DEUP1: variants seen among roughly 807,000 people sequenced by gnomAD.
DEUP1 encodes coiled-coil domain containing 67.
A neutral mutation model predicts 87.4 loss-of-function variants in DEUP1; 82 were observed. That is an observed-to-expected ratio of 0.94 (90% confidence interval 0.78 to 1.13). The LOEUF (loss-of-function observed/expected upper bound fraction) is 1.13, where lower values mean the gene tolerates loss of function less well. Ranked by LOEUF, DEUP1 falls within the 50% of genes most tolerant of loss-of-function variation. DEUP1 has a pLI of 0.00. For synonymous variants in DEUP1, 214 were observed against 222.7 expected (o/e 0.96, Z 0.35); for missense variants, 663 against 681.5 (o/e 0.97, Z 0.30).
At position 93,332,210 on chromosome 11, in the gene DEUP1, T is replaced by C; in HGVS notation, c.-44-6T>C. Reference sequence around the variant, plus strand: ...TTAGGAACTTGTATCATTTTCCTCCTAACAGATTAAAAATCAAGAAATATA... The same window carrying C: ...TTAGGAACTTGTATCATTTTCCTCCCAACAGATTAAAAATCAAGAAATATA... On this transcript the variant is annotated splice_region_variant and splice_polypyrimidine_tract_variant and intron_variant, in intron 1 of 13. Coordinates refer to ENST00000298050, the MANE Select transcript of DEUP1 (RefSeq NM_181645.4). 2 of 1,547,432 alleles carry C rather than the reference T, an allele frequency of 1.3e-6. No individual in the cohort carries two copies. The highest frequency in any genetic ancestry group is 1.7e-4 in the Middle Eastern group (1 of 5,960).
At chr11:93,352,442 T>G in intron 2 of DEUP1, 1 of 700,738 alleles carries the variant, frequency 1.4e-6, no homozygotes, top group Non-Finnish European at 2.6e-6. Context: ...TTAACAACAG[T>G]TGCTATAGTC....
intron 7 of DEUP1, chr11:93,383,556 T>C (rs534199537): frequency 9.1e-6 from 6 of 660,266 alleles, no homozygotes; most frequent in Non-Finnish European, 1.7e-5. Context: ...GATGTTCAAC[T>C]TTGTGACTAA....
chr11:93,392,678 A>AAAGAG (rs138168093), intron 9 of DEUP1, among the ~76,000 whole-genome samples: 38,043 of 151,628 alleles, frequency 0.25, 5,078 homozygotes, highest in Middle Eastern at 0.38. Flanking sequence ...ATTTAAAAAA[A>AAAGAG]AGAGAGAGCC....
intron 8 of DEUP1, among the ~76,000 whole-genome samples, chr11:93,386,439 A>G (rs1946562461): frequency 6.6e-6 from 1 of 152,216 alleles, no homozygotes; most frequent in Non-Finnish European, 1.5e-5. Context: ...TCTTATTCTC[A>G]TAGAACTTGA....
At chr11:93,353,237 C>T (rs190980729) in intron 2 of DEUP1, among the ~76,000 whole-genome samples, 59 of 152,282 alleles carry the variant, frequency 3.9e-4, no homozygotes, top group African/African-American at 1.4e-3. Context: ...AGCAGGGCAG[C>T]TAAATCTTAA....
At chr11:93,401,458 T>A (rs117575060) in intron 11 of DEUP1, among the ~76,000 whole-genome samples, 1 of 152,000 alleles carries the variant, frequency 6.6e-6, no homozygotes, top group Admixed American at 6.6e-5. Flanking sequence ...AAAATTTATA[T>A]GCAAACACAG....
At chr11:93,373,264 C>A (rs1050124830) in intron 7 of DEUP1, among the ~76,000 whole-genome samples, 2 of 152,084 alleles carry the variant, frequency 1.3e-5, no homozygotes, top group African/African-American at 4.8e-5. Context: ...TAAATAAGTT[C>A]TTTACTGGTG....
chr11:93,350,407 T>C (rs1944567825), intron 2 of DEUP1, among the ~76,000 whole-genome samples: 1 of 152,182 alleles, frequency 6.6e-6, no homozygotes, highest in African/African-American at 2.4e-5. Flanking sequence ...GGAAAAGTTC[T>C]TCAATATAAA....
intron 13 of DEUP1, among the ~76,000 whole-genome samples, chr11:93,430,861 C>T (rs779211366): frequency 1.3e-4 from 19 of 151,960 alleles, no homozygotes; most frequent in African/African-American, 2.7e-4. Context: ...TTTGGGAAGC[C>T]GAGGTGGTCA....
rs770872505 is a variant in DEUP1, at chr11:93,371,286, G to T, written c.789+6G>T. The T allele has an allele frequency of 6.2e-7, 1 of 1,606,412 alleles. No homozygotes were observed. The highest frequency in any genetic ancestry group is 1.1e-5 in the South Asian group (1 of 89,466). On this transcript the variant is annotated splice_donor_region_variant and intron_variant, in intron 7 of 13. Transcript: ENST00000298050. ...TGTACCAAAGACAGTGCCAGGTGAAGATTAATTTTTTTTCAACTAATATTG... is the reference window on the plus strand; with the variant it reads ...TGTACCAAAGACAGTGCCAGGTGAATATTAATTTTTTTTCAACTAATATTG...
At chr11:93,375,636 A>G (rs1946001429) in intron 7 of DEUP1, among the ~76,000 whole-genome samples, 1 of 152,188 alleles carries the variant, frequency 6.6e-6, no homozygotes, top group Admixed American at 6.5e-5. Context: ...TTTGAAACCC[A>G]CTTGATCATG....
intron 4 of DEUP1, among the ~76,000 whole-genome samples, chr11:93,357,635 T>A (rs1284043651): frequency 6.6e-6 from 1 of 152,194 alleles, no homozygotes; most frequent in African/African-American, 2.4e-5. Context: ...CATTTGAGTA[T>A]GTCAAATGTA....
At chr11:93,366,079 G>T (rs936086251) in intron 5 of DEUP1, among the ~76,000 whole-genome samples, 1 of 152,140 alleles carries the variant, frequency 6.6e-6, no homozygotes, top group Non-Finnish European at 1.5e-5. Flanking sequence ...TAACATTGTT[G>T]TTATGGTGAA....
intron 11 of DEUP1, among the ~76,000 whole-genome samples, chr11:93,400,149 T>C (rs1020643638): frequency 1.3e-5 from 2 of 152,142 alleles, no homozygotes; most frequent in Non-Finnish European, 2.9e-5. Flanking sequence ...GAATAAACCT[T>C]TTTAGTCATA....
chr11:93,332,138 C>T, intron 1 of DEUP1, 78 bp from the exon 2 acceptor site: 2 of 874,716 alleles, frequency 2.3e-6, no homozygotes, highest in South Asian at 1.9e-5. Context: ...ATGGTTTTTG[C>T]CAGTAGCAAA....
chr11:93,361,308 TA>T (rs1253335069), intron 4 of DEUP1, among the ~76,000 whole-genome samples: 1 of 151,834 alleles, frequency 6.6e-6, no homozygotes, highest in Admixed American at 6.6e-5. Context: ...AAAGAAATGA[TA>T]AAGAAGGAAT....
In DEUP1 at chr11:93,437,573, T is replaced by A; in HGVS notation, c.1669T>A (p.Leu557Met). 1 of 1,613,688 alleles carries A rather than the reference T, an allele frequency of 6.2e-7. No individual in the cohort carries two copies. Among genetic ancestry groups the A allele is most frequent in the Non-Finnish European group, 8.5e-7 (1 of 1,179,710 alleles). ...SPPDMSFPAS[L>M]AAQHFLLEEE... ...CCCAGATATGTCCTTCCCAGCATCT[T>A]TGGCTGCACAGCATTTCCTTCTGGA... is the stretch of plus-strand genomic sequence containing the variant. The change falls in exon 14 of 14, where the codon TTG becomes ATG. Residue 557 changes from leucine to methionine, a missense_variant. By Grantham distance (15) the Leu-to-Met change is conservative (BLOSUM62 2). Transcript: ENST00000298050.
rs370371704 is a variant in DEUP1, at chr11:93,415,018, G to A, written c.1542G>A (p.Glu514=). 12 of 1,582,986 alleles carry A rather than the reference G, an allele frequency of 7.6e-6. No individual in the cohort carries two copies. The African/African-American group carries it at 1.6e-4, about 22-fold the overall frequency. Reference sequence around the variant, plus strand: ...CTTTTAGACTTAGTCATGACTGTGAGCCAAACAGAAGTACAATGCCTCCCT... The same window carrying A: ...CTTTTAGACTTAGTCATGACTGTGAACCAAACAGAAGTACAATGCCTCCCT... ...QNEERLSHDC[E]PNRSTMPPLP... Residue 514 remains glutamate, a synonymous_variant, in exon 13 of 14, where the codon GAG becomes GAA. Transcript: ENST00000298050.
chr11:93,365,986 G>T (rs1363871121), intron 5 of DEUP1, among the ~76,000 whole-genome samples: 2 of 152,180 alleles, frequency 1.3e-5, no homozygotes. Context: ...TCATGTGTTT[G>T]CCCTGTGACC....
Sources: gnomAD v4.1 joint callset for allele counts (sites outside exome capture counted in the v4.1 genomes callset) on GRCh38, gnomAD v4.1.1 for gene constraint, MANE v1.5 for transcripts, NCBI Gene and HGNC (gene_info 2026-07-23, HGNC 2026-07-21) for gene names.